The following MAGI1 variants were observed in gnomAD, a reference collection of about 807,000 sequenced individuals.
MAGI1 encodes membrane associated guanylate kinase, WW and PDZ domain containing 1.
Under a neutral mutation model 139.9 loss-of-function variants are expected in MAGI1, and 58 were observed. That is an observed-to-expected ratio of 0.41 (90% CI 0.34 to 0.52). MAGI1 has a LOEUF of 0.52. Among genes scored for constraint, MAGI1 ranks in the 20% least tolerant of loss-of-function variants. The probability of loss-of-function intolerance (pLI) is 0.12; values close to 1 mark genes in which losing one functional copy is unlikely to be tolerated. For synonymous variants in MAGI1, 812 were observed against 737.9 expected (o/e 1.10, Z -1.63); for missense variants, 1,874 against 1,901.6 (o/e 0.99, Z 0.27).
chr3:65,846,720 TA>T (rs2059011128), intron 1 of MAGI1, among the ~76,000 whole-genome samples: 1 of 152,032 alleles, frequency 6.6e-6, no homozygotes. Context: ...GTCTGAGAGG[TA>T]AAGTAACTTA....
intron 1 of MAGI1, among the ~76,000 whole-genome samples, chr3:65,743,817 T>C (rs1206154467): frequency 6.6e-6 from 1 of 152,228 alleles, no homozygotes. Flanking sequence ...CATATTCATT[T>C]TTTGTGTTGG....
intron 2 of MAGI1, among the ~76,000 whole-genome samples, chr3:65,565,099 C>T (rs1449123079): frequency 2.0e-5 from 3 of 152,148 alleles, no homozygotes; most frequent in Admixed American, 6.5e-5. Flanking sequence ...AGCATACACA[C>T]GGGTGCACAC....
chr3:65,629,395 A>C (rs909472728), intron 1 of MAGI1, among the ~76,000 whole-genome samples: 6 of 152,220 alleles, frequency 3.9e-5, no homozygotes, highest in Non-Finnish European at 8.8e-5. Flanking sequence ...ATACAGTTCA[A>C]ATTTTCAATG....
chr3:65,792,699 T>C (rs2039870658), intron 1 of MAGI1, among the ~76,000 whole-genome samples: 1 of 152,010 alleles, frequency 6.6e-6, no homozygotes, highest in Non-Finnish European at 1.5e-5. Flanking sequence ...CGATGGACAA[T>C]GGGAGGATTC....
chr3:65,927,004 A>C (rs936263085), intron 1 of MAGI1, among the ~76,000 whole-genome samples: 9 of 152,104 alleles, frequency 5.9e-5, no homozygotes, highest in Admixed American at 1.3e-4. Context: ...TCAAATAAAT[A>C]AATAAAAATG....
At chr3:65,958,275 T>G (rs2064235108) in intron 1 of MAGI1, among the ~76,000 whole-genome samples, 1 of 152,212 alleles carries the variant, frequency 6.6e-6, no homozygotes, top group Non-Finnish European at 1.5e-5. Flanking sequence ...CATTCTAAAT[T>G]TAGCTCAATA....
chr3:65,599,036 C>T (rs756833835), intron 2 of MAGI1, among the ~76,000 whole-genome samples: 3 of 152,150 alleles, frequency 2.0e-5, no homozygotes, highest in Non-Finnish European at 4.4e-5. Context: ...TACAGAGTCA[C>T]GTGCAAGCAT....
chr3:65,417,832 C>A (rs1473194750), intron 12 of MAGI1, among the ~76,000 whole-genome samples: 1 of 152,034 alleles, frequency 6.6e-6, no homozygotes, highest in African/African-American at 2.4e-5. Flanking sequence ...TTTTTTAAGA[C>A]TGATTAAAAA....
In MAGI1 at chr3:65,899,578, T is replaced by C. The variant is rs190685829; in HGVS notation, c.313+138418A>G. 1.1e-3 allele frequency among the ~76,000 whole-genome samples: 165 copies of C among 152,288 alleles called. 1 individual carries two copies. Among genetic ancestry groups the C allele is most frequent in the Non-Finnish European group, 1.9e-3 (128 of 68,016 alleles). ...GTGACATAACTGGGATAAAAATCCC[T>C]ACAGACAACAATACCAGGGGAATAA... On this transcript the variant is annotated intron_variant, in intron 1 of 22. Transcript: ENST00000402939.
intron 2 of MAGI1, among the ~76,000 whole-genome samples, chr3:65,568,611 C>T (rs1391799441): frequency 2.0e-5 from 3 of 152,076 alleles, no homozygotes; most frequent in Non-Finnish European, 4.4e-5. Flanking sequence ...TGTATTCATT[C>T]GTTCTACACC....
At chr3:66,022,431 C>T (rs1213011967) in intron 1 of MAGI1, among the ~76,000 whole-genome samples, 1 of 152,126 alleles carries the variant, frequency 6.6e-6, no homozygotes, top group Non-Finnish European at 1.5e-5. Flanking sequence ...ATTGAGATAA[C>T]ACTTTGTGTC....
chr3:66,028,756 G>A (rs1264922667), intron 1 of MAGI1, among the ~76,000 whole-genome samples: 2 of 152,096 alleles, frequency 1.3e-5, no homozygotes, highest in South Asian at 2.1e-4. Context: ...CCTCCGTGAG[G>A]TCCGGAGGCT....
chr3:65,527,460 T>A (rs112158874), intron 2 of MAGI1, among the ~76,000 whole-genome samples: 2 of 151,982 alleles, frequency 1.3e-5, no homozygotes, highest in Admixed American at 6.6e-5. Context: ...GCGTGGTGGC[T>A]CACACCTGTA....
chr3:65,514,438 C>A (rs2077756411), intron 2 of MAGI1, among the ~76,000 whole-genome samples: 1 of 142,040 alleles, frequency 7.0e-6, no homozygotes, highest in Admixed American at 7.2e-5. Context: ...CCAGAATCTA[C>A]AATGAACTCA....
At chr3:65,822,397 G>A (rs2041997254) in intron 1 of MAGI1, among the ~76,000 whole-genome samples, 1 of 152,152 alleles carries the variant, frequency 6.6e-6, no homozygotes, top group African/African-American at 2.4e-5. Context: ...GTGCGGTGGT[G>A]CATGCCTGTA....
chr3:65,754,644 G>C (rs2036418900), intron 1 of MAGI1, among the ~76,000 whole-genome samples: 1 of 152,220 alleles, frequency 6.6e-6, no homozygotes, highest in South Asian at 2.1e-4. Flanking sequence ...GGCAGTGCTA[G>C]TTTTAGGCAG....
At chr3:65,620,190 G>T (rs1037302382) in intron 2 of MAGI1, among the ~76,000 whole-genome samples, 3 of 152,132 alleles carry the variant, frequency 2.0e-5, no homozygotes, top group Non-Finnish European at 2.9e-5. Context: ...CTAAGTAGGG[G>T]AAAAATTACA....
chr3:65,601,070 C>A (rs2082460122), intron 2 of MAGI1, among the ~76,000 whole-genome samples: 1 of 152,190 alleles, frequency 6.6e-6, no homozygotes, highest in African/African-American at 2.4e-5. Context: ...GAGTTCCCGG[C>A]ACAGAGAAAG....
intron 1 of MAGI1, among the ~76,000 whole-genome samples, chr3:65,996,375 T>C (rs2066448762): frequency 6.6e-6 from 1 of 151,538 alleles, no homozygotes; most frequent in African/African-American, 2.4e-5. Context: ...CAACACTTCA[T>C]TTTTTTTTAA....
Sources: allele counts gnomAD v4.1 joint callset (sites outside exome capture counted in the v4.1 genomes callset), GRCh38; gene constraint gnomAD v4.1.1; transcripts MANE v1.5; gene names NCBI Gene and HGNC (gene_info 2026-07-23, HGNC 2026-07-21).